DACH1: variants seen among roughly 807,000 people sequenced by gnomAD.
DACH1 encodes dachshund homolog 1.
Under a neutral mutation model 54.2 loss-of-function variants are expected in DACH1, and 12 were observed. The ratio of observed to expected loss-of-function variants is 0.22; its 90% CI spans 0.14 to 0.36. The LOEUF (loss-of-function observed/expected upper bound fraction) is 0.36. Among genes scored for constraint, DACH1 ranks in the 10% least tolerant of loss-of-function variants. DACH1 has a pLI of 1.00. For missense variants in DACH1, 805 were observed against 929.8 expected (o/e 0.87, Z 1.75); for synonymous variants, 386 against 366.2 (o/e 1.05, Z -0.62).
intron 1 of DACH1, among the ~76,000 whole-genome samples, chr13:71,688,410 A>G (rs1250697202): frequency 1.3e-5 from 2 of 152,354 alleles, no homozygotes; most frequent in East Asian, 1.9e-4. Context: ...CAGAAGCTAT[A>G]TGATTAACAT....
chr13:71,817,933 G>A (rs9599892), intron 1 of DACH1, among the ~76,000 whole-genome samples: 1 of 149,294 alleles, frequency 6.7e-6, no homozygotes, highest in South Asian at 2.1e-4. Context: ...TCCTCCCTCA[G>A]CCTACCAAGT....
At chr13:71,830,065 A>T in intron 1 of DACH1, among the ~76,000 whole-genome samples, 1 of 152,026 alleles carries the variant, frequency 6.6e-6, no homozygotes, top group East Asian at 1.9e-4. Context: ...GGAAATCAGA[A>T]TAGCTTACTT....
At chr13:71,699,211 C>T (rs1881987569) in intron 1 of DACH1, among the ~76,000 whole-genome samples, 1 of 151,990 alleles carries the variant, frequency 6.6e-6, no homozygotes, top group Non-Finnish European at 1.5e-5. Context: ...GCTACAATTG[C>T]AAGGAAGTAT....
intron 2 of DACH1, among the ~76,000 whole-genome samples, chr13:71,674,859 G>T (rs1880453061): frequency 7.1e-6 from 1 of 141,372 alleles, no homozygotes; most frequent in African/African-American, 2.6e-5. Context: ...GTACTAAGTA[G>T]TTATAGGTTA....
intron 3 of DACH1, among the ~76,000 whole-genome samples, chr13:71,595,320 G>T (rs1035538560): frequency 6.6e-6 from 1 of 152,086 alleles, no homozygotes; most frequent in African/African-American, 2.4e-5. Context: ...TTATTGGAAG[G>T]ACTTGTATTA....
chr13:71,858,083 A>T (rs1370903040), intron 1 of DACH1, among the ~76,000 whole-genome samples: 1 of 151,662 alleles, frequency 6.6e-6, no homozygotes, highest in African/African-American at 2.4e-5. Flanking sequence ...ATTTATTTTC[A>T]TTGCCTTTAC....
At chr13:71,847,726 A>C (rs1008207751) in intron 1 of DACH1, among the ~76,000 whole-genome samples, 1 of 152,198 alleles carries the variant, frequency 6.6e-6, no homozygotes, top group East Asian at 1.9e-4. Flanking sequence ...GGAGAAAATC[A>C]ATTAGATCTG....
At chr13:71,705,923 T>G (rs1196238254) in intron 1 of DACH1, among the ~76,000 whole-genome samples, 1 of 152,130 alleles carries the variant, frequency 6.6e-6, no homozygotes, top group Admixed American at 6.5e-5. Flanking sequence ...GTTCAACAAC[T>G]AACCTTCAAT....
intron 6 of DACH1, among the ~76,000 whole-genome samples, chr13:71,543,445 CAG>C (rs1883263646): frequency 6.6e-6 from 1 of 151,972 alleles, no homozygotes; most frequent in African/African-American, 2.4e-5. Flanking sequence ...CATTTCAATT[CAG>C]AGGAAAAAAC....
intron 1 of DACH1, chr13:71,704,347 C>A: frequency 2.3e-6 from 1 of 426,430 alleles, no homozygotes; most frequent in East Asian, 5.8e-5. Context: ...ACAGGTGTTA[C>A]CATGGCAAAA....
chr13:71,713,639 G>T lies in DACH1; in HGVS notation c.849-31729C>A, dbSNP rs73523467. 7.4e-3 allele frequency among the ~76,000 whole-genome samples: 1,120 copies of T among 152,208 alleles called. 19 individuals are homozygous for T. Among genetic ancestry groups the T allele is most frequent in the African/African-American group, 0.026 (1,063 of 41,552 alleles). ...CTATGTTCTTCTACAGGCAATAAAG[G>T]TATGAAGACATAATTGATTAAAGAT... On this transcript the variant is annotated intron_variant, in intron 1 of 10. Transcript: ENST00000613252.
intron 2 of DACH1, among the ~76,000 whole-genome samples, chr13:71,651,159 C>T (rs1346874970): frequency 6.6e-6 from 1 of 151,952 alleles, no homozygotes; most frequent in Non-Finnish European, 1.5e-5. Context: ...AACATGGCTG[C>T]TCAAATATTT....
At chr13:71,764,982 T>C (rs1192093041) in intron 1 of DACH1, among the ~76,000 whole-genome samples, 1 of 152,202 alleles carries the variant, frequency 6.6e-6, no homozygotes, top group African/African-American at 2.4e-5. Context: ...CAAGATTTTA[T>C]CTTTAGCTCT....
At chr13:71,579,176 A>T (rs1885712979) in intron 3 of DACH1, among the ~76,000 whole-genome samples, 1 of 152,066 alleles carries the variant, frequency 6.6e-6, no homozygotes. Context: ...CTGTTTTGAT[A>T]TATTTATTTT....
chr13:71,615,955 G>A (rs1301032471), intron 3 of DACH1, among the ~76,000 whole-genome samples: 3 of 152,046 alleles, frequency 2.0e-5, no homozygotes, highest in Admixed American at 1.3e-4. Context: ...AATCCCCAAA[G>A]AGCCCTATGT....
chr13:71,485,551 A>T (rs1593769150), intron 7 of DACH1, among the ~76,000 whole-genome samples: 1 of 122,490 alleles, frequency 8.2e-6, no homozygotes, highest in Non-Finnish European at 1.8e-5. Context: ...TTTTTACTTC[A>T]TTCATTATAA....
chr13:71,714,110 C>T (rs1413007793), intron 1 of DACH1, among the ~76,000 whole-genome samples: 1 of 151,938 alleles, frequency 6.6e-6, no homozygotes, highest in Non-Finnish European at 1.5e-5. Flanking sequence ...AGATGCTCAG[C>T]TATATCATAT....
intron 6 of DACH1, among the ~76,000 whole-genome samples, chr13:71,529,325 T>G (rs1263130977): frequency 1.3e-5 from 2 of 151,930 alleles, no homozygotes; most frequent in East Asian, 3.9e-4. Context: ...TAGCTGGGAC[T>G]GTGGGCGCTT....
At chr13:71,704,113 G>A (rs1882305413) in intron 1 of DACH1, 1 of 171,578 alleles carries the variant, frequency 5.8e-6, no homozygotes. Context: ...ATTTAAGTAT[G>A]CTTCTTTGCT....
Sources: allele counts gnomAD v4.1 joint callset (sites outside exome capture counted in the v4.1 genomes callset), GRCh38; gene constraint gnomAD v4.1.1; transcripts MANE v1.5; gene names NCBI Gene and HGNC (gene_info 2026-07-23, HGNC 2026-07-21).